SH3RF3: variants seen among roughly 807,000 people sequenced by gnomAD.
SH3RF3 encodes the protein E3 ubiquitin-protein ligase SH3RF3.
Under a neutral mutation model 66.3 loss-of-function variants are expected in SH3RF3, and 29 were observed. The ratio of observed to expected loss-of-function variants is 0.44; its 90% confidence interval spans 0.33 to 0.60. The LOEUF is 0.60. SH3RF3 is among the 20% of genes least tolerant of loss of function. The pLI is 0.04. For synonymous variants in SH3RF3, 583 were observed against 532.0 expected (o/e 1.10, Z -1.32); for missense variants, 1,194 against 1,190.9 (o/e 1.00, Z -0.04).
chr2:109,430,137 G>C (rs1484186939), intron 5 of SH3RF3, among the ~76,000 whole-genome samples: 1 of 152,198 alleles, frequency 6.6e-6, no homozygotes, highest in Non-Finnish European at 1.5e-5. Context: ...GGCAGCCCCG[G>C]ACCCCAGAAC....
chr2:109,464,676 TA>T (rs1282613887), intron 8 of SH3RF3, among the ~76,000 whole-genome samples: 1 of 152,168 alleles, frequency 6.6e-6, no homozygotes, highest in Non-Finnish European at 1.5e-5. Flanking sequence ...AGAACAAATT[TA>T]GGTTCAGAGA....
intron 6 of SH3RF3, 136 bp downstream of exon 6, chr2:109,432,807 C>G (rs1677277364): frequency 8.1e-7 from 1 of 1,232,544 alleles, no homozygotes; most frequent in African/African-American, 1.5e-5. Context: ...AGGGTTCAGC[C>G]CCCACTGGCG....
chr2:109,225,089 A>G (rs1043436456), intron 1 of SH3RF3, among the ~76,000 whole-genome samples: 2 of 152,126 alleles, frequency 1.3e-5, no homozygotes, highest in African/African-American at 4.8e-5. Flanking sequence ...GTTTAGACCA[A>G]CCAACTAAGC....
chr2:109,220,199 G>T (rs1196162655), intron 1 of SH3RF3, among the ~76,000 whole-genome samples: 1 of 152,186 alleles, frequency 6.6e-6, no homozygotes. Context: ...TTAACAAATG[G>T]TGCTGGGAAA....
At chr2:109,138,604 G>C (rs755645260) in intron 1 of SH3RF3, among the ~76,000 whole-genome samples, 1 of 152,204 alleles carries the variant, frequency 6.6e-6, no homozygotes, top group African/African-American at 2.4e-5. Flanking sequence ...CGCTGCTGCT[G>C]GTTCATTCTA....
chr2:109,398,154 G>C (rs186962841), intron 3 of SH3RF3, among the ~76,000 whole-genome samples: 226 of 152,202 alleles, frequency 1.5e-3, no homozygotes, highest in African/African-American at 5.2e-3. Flanking sequence ...AATCTCCTCC[G>C]GGGACCTGCA....
At position 109,414,759 on chromosome 2, in the gene SH3RF3, G is replaced by A. The variant is rs868585805; in HGVS notation, c.1300-4780G>A. 2.0e-5 allele frequency among the ~76,000 whole-genome samples: 3 copies of A among 152,272 alleles called. No homozygotes were observed. In the South Asian group the frequency reaches 6.2e-4, roughly 32 times the overall value. On this transcript the variant is annotated intron_variant, in intron 4 of 9. Transcript: ENST00000309415. ...CAGCACTGAGCCCATGGCCTCTGTG[G>A]TCTCTTGTTCCTGTCTCTCCAGCAG...
At chr2:109,300,025 A>G (rs950986185) in intron 1 of SH3RF3, among the ~76,000 whole-genome samples, 4 of 152,202 alleles carry the variant, frequency 2.6e-5, no homozygotes, top group African/African-American at 7.2e-5. Flanking sequence ...AAGGCACTGC[A>G]CAGTGCCCAG....
intron 1 of SH3RF3, among the ~76,000 whole-genome samples, chr2:109,238,410 TTTTC>T (rs1358435434): frequency 6.6e-6 from 1 of 151,758 alleles, no homozygotes; most frequent in Non-Finnish European, 1.5e-5. Context: ...AATTTTCTCT[TTTTC>T]TTTAATTTAT....
chr2:109,154,437 A>G (rs1677291390), intron 1 of SH3RF3, among the ~76,000 whole-genome samples: 1 of 152,206 alleles, frequency 6.6e-6, no homozygotes, highest in Non-Finnish European at 1.5e-5. Flanking sequence ...AAGCTGCAGC[A>G]TCATGGGCAC....
At chr2:109,359,400 T>A (rs1227538296) in intron 2 of SH3RF3, among the ~76,000 whole-genome samples, 5 of 151,890 alleles carry the variant, frequency 3.3e-5, no homozygotes, top group African/African-American at 1.2e-4. Flanking sequence ...TTCCTATCCA[T>A]GAACATGAAA....
chr2:109,440,849 A>G (rs1188822352), intron 7 of SH3RF3, among the ~76,000 whole-genome samples: 1 of 152,184 alleles, frequency 6.6e-6, no homozygotes, highest in Non-Finnish European at 1.5e-5. Flanking sequence ...TGAGAAACGT[A>G]CCCAAAGCCA....
chr2:109,372,787 T>C (rs1228051935), intron 3 of SH3RF3, among the ~76,000 whole-genome samples: 1 of 152,004 alleles, frequency 6.6e-6, no homozygotes, highest in Non-Finnish European at 1.5e-5. Flanking sequence ...GCTCCATGTG[T>C]CCCCCCTGCC....
At chr2:109,308,537 TA>T (rs1436910141) in intron 1 of SH3RF3, among the ~76,000 whole-genome samples, 1 of 59,016 alleles carries the variant, frequency 1.7e-5, no homozygotes, top group Non-Finnish European at 2.8e-5. Flanking sequence ...GGTTTTCTTC[TA>T]GGGTTTTTAT....
At chr2:109,460,554 G>A (rs536721173) in intron 8 of SH3RF3, among the ~76,000 whole-genome samples, 1 of 152,304 alleles carries the variant, frequency 6.6e-6, no homozygotes, top group Non-Finnish European at 1.5e-5. Flanking sequence ...GAGGAAAGAG[G>A]CTCAGTCATT....
intron 2 of SH3RF3, among the ~76,000 whole-genome samples, chr2:109,365,041 A>G (rs1683128843): frequency 6.7e-6 from 1 of 149,040 alleles, no homozygotes; most frequent in Admixed American, 6.7e-5. Context: ...ACAGACACAC[A>G]CACACATATA....
At chr2:109,320,436 G>A (rs1040409062) in intron 1 of SH3RF3, among the ~76,000 whole-genome samples, 6 of 152,106 alleles carry the variant, frequency 3.9e-5, no homozygotes, top group Non-Finnish European at 5.9e-5. Flanking sequence ...CACCGCAGGC[G>A]CCCATCCTCG....
chr2:109,181,137 A>G (rs1678063632), intron 1 of SH3RF3, among the ~76,000 whole-genome samples: 1 of 152,180 alleles, frequency 6.6e-6, no homozygotes, highest in Non-Finnish European at 1.5e-5. Context: ...AGGTCCTTCC[A>G]GCTCGTCTGT....
intron 1 of SH3RF3, among the ~76,000 whole-genome samples, chr2:109,295,091 G>A (rs1473191258): frequency 6.6e-6 from 1 of 152,232 alleles, no homozygotes; most frequent in African/African-American, 2.4e-5. Context: ...AGAAAATTGA[G>A]ATGCAGACTT....
Sources: gnomAD v4.1 joint callset for allele counts (sites outside exome capture counted in the v4.1 genomes callset) on GRCh38, gnomAD v4.1.1 for gene constraint, MANE v1.5 for transcripts, NCBI Gene and HGNC (gene_info 2026-07-23, HGNC 2026-07-21) for gene names.